The following PRKACA variants were observed in gnomAD, a reference collection of about 807,000 sequenced individuals.
PRKACA encodes the protein cAMP-dependent protein kinase catalytic subunit alpha.
PRKACA carries 9 observed loss-of-function variants against 45.8 expected under a neutral mutation model. That is an observed-to-expected ratio of 0.20 (90% CI 0.12 to 0.34). The LOEUF is 0.34. Ranked by LOEUF, PRKACA falls within the 10% of genes least tolerant of loss-of-function variation. PRKACA has a pLI of 1.00. For missense variants in PRKACA, 238 were observed against 458.6 expected (o/e 0.52, Z 4.39); for synonymous variants, 160 against 178.6 (o/e 0.90, Z 0.83).
chr19:14,093,315 A>G (rs1202921954), intron 9 of PRKACA, 78 bp from the exon 10 acceptor site: 31 of 1,542,100 alleles, frequency 2.0e-5, no homozygotes, highest in Non-Finnish European at 2.7e-5. Flanking sequence ...GAATGGCCTA[A>G]CATTCAAGAG....
In PRKACA at chr19:14,092,682, T is replaced by C. The variant is rs1043918833; in HGVS notation, c.*430A>G. ...GGTTGGCGCTTCGTTCATTTGCCCT[T>C]AGCAAGTGGGGCCTGTGGTTGGGTG... On this transcript the variant is annotated 3_prime_UTR_variant, in exon 10 of 10. Transcript: ENST00000308677. The C allele has an allele frequency of 4.3e-5, 17 of 396,042 alleles. No homozygotes were observed. The highest frequency in any genetic ancestry group is 3.3e-4 in the African/African-American group (16 of 48,204). The allele number at this position is 396,042 out of a possible 1,614,324, so 24.5% of individuals were successfully genotyped here. A position where few individuals can be genotyped will look rare whatever the true frequency, so the allele number is the denominator to read the frequency against.
intron 1 of PRKACA, chr19:14,112,692 C>T (rs1388892472): frequency 6.6e-6 from 1 of 152,294 alleles, no homozygotes; most frequent in Non-Finnish European, 1.5e-5. Flanking sequence ...CCGAGGGTGT[C>T]CCTCTGGCTG....
At chr19:14,113,213 G>A (rs943358341) in intron 1 of PRKACA, among the ~76,000 whole-genome samples, 2 of 152,080 alleles carry the variant, frequency 1.3e-5, no homozygotes, top group African/African-American at 2.4e-5. Context: ...CCCAGGGGTG[G>A]GGGAGGGGGA....
chr19:14,101,536 C>A (rs532716346), intron 4 of PRKACA, among the ~76,000 whole-genome samples: 2 of 152,180 alleles, frequency 1.3e-5, no homozygotes, highest in Non-Finnish European at 2.9e-5. Context: ...GCACTCCAGC[C>A]TGGGCAACAG....
At chr19:14,099,876 T>C (rs555572629) in intron 5 of PRKACA, among the ~76,000 whole-genome samples, 10 of 152,348 alleles carry the variant, frequency 6.6e-5, no homozygotes, top group African/African-American at 2.2e-4. Flanking sequence ...GGAGTCTCGC[T>C]CTGTCACCCA....
At position 14,092,054 on chromosome 19, in the gene PRKACA, C is replaced by G. The variant is rs1236513309; in HGVS notation, c.*1058G>C. The G allele has an allele frequency of 1.3e-5, 2 of 152,420 alleles. No homozygotes were observed. The highest frequency in any genetic ancestry group is 2.4e-5 in the African/African-American group (1 of 41,452). The allele number at this position is 152,420 out of a possible 1,614,324, so 9.4% of individuals were successfully genotyped here. A position where few individuals can be genotyped will look rare whatever the true frequency, so the allele number is the denominator to read the frequency against. ...AACAGGCAGCCCCTCCCCAGCAGCT[C>G]TAGCCTTGAACCCCGGGCCGTGGCT... On this transcript the variant is annotated 3_prime_UTR_variant, in exon 10 of 10. Coordinates refer to ENST00000308677, the MANE Select transcript of PRKACA (RefSeq NM_002730.4).
chr19:14,103,257 CAG>C (rs1245947728), intron 3 of PRKACA, among the ~76,000 whole-genome samples: 1 of 152,126 alleles, frequency 6.6e-6, no homozygotes, highest in Non-Finnish European at 1.5e-5. Flanking sequence ...GGGAATCAGA[CAG>C]CGCTTTCTGG....
chr19:14,114,836 G>A (rs1263810542), intron 1 of PRKACA, among the ~76,000 whole-genome samples: 2 of 152,122 alleles, frequency 1.3e-5, no homozygotes, highest in African/African-American at 4.8e-5. Context: ...GGGAGGAGGC[G>A]GACTCTGTCC....
chr19:14,097,044 ACT>A lies in PRKACA; in HGVS notation c.765+315_765+316del, dbSNP rs2145748336. 2 of 391,968 alleles carry A rather than the reference ACT, an allele frequency of 5.1e-6. No individual in the cohort carries two copies. Among genetic ancestry groups the A allele is most frequent in the African/African-American group, 2.1e-5 (1 of 48,326 alleles). 24.3% of individuals were successfully genotyped at this position (391,968 alleles called of 1,614,324 possible). A position where few individuals can be genotyped will look rare whatever the true frequency, so the allele number is the denominator to read the frequency against. On this transcript the variant is annotated intron_variant, in intron 8 of 9. Transcript: ENST00000308677. The surrounding 1 kb of genome is among the most constrained non-coding windows in gnomAD (Gnocchi z 5.4). ...TTTTTCTGCCTTGGAATTTGCGAAA[ACT>A]CACACTAACTGGGATGAGGAGCGAA...
chr19:14,097,970 C>T lies in PRKACA; in HGVS notation c.420-80G>A, dbSNP rs34415768. On this transcript the variant is annotated intron_variant, in intron 5 of 9. Transcript: ENST00000308677. This position sits in a 1 kb window ranked among gnomAD's most constrained non-coding sequence, Gnocchi z 5.4. Reference sequence around the variant, plus strand: ...AGCAGGTGGCCCTGCAGAGCCTACCCCAGAGGAAGACACCTCCAGTCCAGC... The same window carrying T: ...AGCAGGTGGCCCTGCAGAGCCTACCTCAGAGGAAGACACCTCCAGTCCAGC... The T allele has an allele frequency of 0.12, 191,117 of 1,562,188 alleles. 12,738 individuals are homozygous for T. Among genetic ancestry groups the T allele is most frequent in the Admixed American group, 0.24 (13,746 of 56,644 alleles).
chr19:14,094,185 GAAAAAAAAAAAAA>G (rs940405502), intron 8 of PRKACA, among the ~76,000 whole-genome samples: 14 of 58,918 alleles, frequency 2.4e-4, no homozygotes, highest in South Asian at 8.4e-4. Flanking sequence ...TTCTTTTTTT[GAAAAAAAAAAAAA>G]AAAAAAAAAA....
At chr19:14,114,691 A>C (rs1967071402) in intron 1 of PRKACA, among the ~76,000 whole-genome samples, 1 of 151,816 alleles carries the variant, frequency 6.6e-6, no homozygotes, top group African/African-American at 2.4e-5. Context: ...CTCCCTCTCC[A>C]TTCTTCCAAC....
In PRKACA at chr19:14,097,519, G is replaced by A. The variant is rs947489097; in HGVS notation, c.643-36C>T. 1 of 1,613,932 alleles carries A rather than the reference G, an allele frequency of 6.2e-7. No individual in the cohort carries two copies. Reference sequence around the variant, plus strand: ...ATGGGGGGGCACAGGGTGAGGAGGAGGCGAGAGCAGGAGAGCAGAGCCGGC... The same window carrying A: ...ATGGGGGGGCACAGGGTGAGGAGGAAGCGAGAGCAGGAGAGCAGAGCCGGC... On this transcript the variant is annotated intron_variant, in intron 7 of 9. Coordinates refer to ENST00000308677, the MANE Select transcript of PRKACA (RefSeq NM_002730.4). The surrounding 1 kb of genome is among the most constrained non-coding windows in gnomAD (Gnocchi z 5.4).
intron 5 of PRKACA, 35 bp downstream of exon 5, chr19:14,100,783 GGACACCCT>G: frequency 6.3e-7 from 1 of 1,592,104 alleles, no homozygotes; most frequent in South Asian, 1.1e-5. Context: ...TGCCACCTGT[GGACACCCT>G]GACAGCCTGA....
chr19:14,097,967 A>G lies in PRKACA; in HGVS notation c.420-77T>C. On this transcript the variant is annotated intron_variant, in intron 5 of 9. Transcript: ENST00000308677. The surrounding 1 kb of genome is among the most constrained non-coding windows in gnomAD (Gnocchi z 5.4). The stretch of plus-strand genomic sequence containing the variant: ...TCCAGCAGGTGGCCCTGCAGAGCCT[A>G]CCCCAGAGGAAGACACCTCCAGTCC... The G allele has an allele frequency of 1.3e-6, 2 of 1,569,054 alleles. No homozygotes were observed. The highest frequency in any genetic ancestry group is 1.7e-6 in the Non-Finnish European group (2 of 1,149,934).
intron 1 of PRKACA, chr19:14,114,283 G>T: frequency 1.5e-6 from 2 of 1,339,584 alleles, no homozygotes; most frequent in Non-Finnish European, 2.1e-6. Context: ...CGTGGGGTGG[G>T]AGCAGGAAGA....
Position 14,097,940 on chromosome 19 carries a change from G to C in PRKACA, c.420-50C>G, listed in dbSNP as rs375653642. 6.2e-7 allele frequency: 1 copy of C among 1,607,812 alleles called. No homozygotes were observed. On this transcript the variant is annotated intron_variant, in intron 5 of 9. Transcript: ENST00000308677. The surrounding 1 kb of genome is among the most constrained non-coding windows in gnomAD (Gnocchi z 5.4). The stretch of plus-strand genomic sequence containing the variant: ...AACGTCAGTGGTCATGCCCCAAAAT[G>C]GTCCAGCAGGTGGCCCTGCAGAGCC...
chr19:14,109,051 A>T (rs180971152), intron 1 of PRKACA, among the ~76,000 whole-genome samples: 17 of 150,636 alleles, frequency 1.1e-4, no homozygotes, highest in Admixed American at 9.2e-4. Context: ...ATTGAGGTAT[A>T]AAATATGGGG....
At chr19:14,094,938 T>TGTGACCTTGGCCATG (rs2145743978) in intron 8 of PRKACA, among the ~76,000 whole-genome samples, 1 of 152,248 alleles carries the variant, frequency 6.6e-6, no homozygotes, top group East Asian at 1.9e-4. Context: ...GTTCCTGCTG[T>TGTGACCTTGGCCATG]GCCTCTTACA....
Sources: gnomAD v4.1 joint callset for allele counts (sites outside exome capture counted in the v4.1 genomes callset) on GRCh38, gnomAD v4.1.1 for gene constraint, Gnocchi (gnomAD v3.1) non-coding constraint, MANE v1.5 for transcripts, NCBI Gene and HGNC (gene_info 2026-07-23, HGNC 2026-07-21) for gene names.